The following RBM14 variants were observed in gnomAD, a reference collection of about 807,000 sequenced individuals.
RBM14 encodes the protein RNA binding motif protein 14, also known as RNA-binding protein 14.
Under a neutral mutation model 52.8 loss-of-function variants are expected in RBM14, and 5 were observed. The observed-to-expected ratio is 0.09, with a 90% CI of 0.05 to 0.20. RBM14 has a LOEUF of 0.20. RBM14 is among the 10% of genes least tolerant of loss of function. The pLI is 1.00. For missense variants in RBM14, 780 were observed against 926.6 expected, an observed-to-expected ratio of 0.84 and a Z score of 2.05; for synonymous variants, 411 against 401.8, an observed-to-expected ratio of 1.02 and a Z score of -0.28.
rs1461205314 is a variant in RBM14, at chr11:66,625,517, C to G, written c.1641C>G (p.Ala547=). Residue 547 remains alanine (A), a synonymous_variant, in exon 2 of 3, where the codon GCC becomes GCG. Coordinates refer to ENST00000310137, the MANE Select transcript of RBM14 (RefSeq NM_006328.4). This position sits in a 1 kb window ranked among gnomAD's most constrained non-coding sequence, Gnocchi z 4.2. ...CCTACCGCGGCCAGCCAGGCAATGC[C>G]TACGATGGGGCAGGTCAGCCGTCTG... The part of the protein sequence containing the change: ...AASYRGQPGN[A]YDGAGQPSAA... 1 of 1,612,962 alleles carries G rather than the reference C, an allele frequency of 6.2e-7. No individual in the cohort carries two copies. Among genetic ancestry groups the G allele is most frequent in the Non-Finnish European group, 8.5e-7 (1 of 1,179,594 alleles).
Position 66,625,735 on chromosome 11 carries a change from G to T in RBM14, c.1802+57G>T. On this transcript the variant is annotated intron_variant, in intron 2 of 2. Coordinates refer to ENST00000310137, the MANE Select transcript of RBM14 (RefSeq NM_006328.4). This position sits in a 1 kb window ranked among gnomAD's most constrained non-coding sequence, Gnocchi z 4.2. Reference sequence around the variant, plus strand: ...CTGGGGCTTAGGGCAAGGGGCTGAGGTTGGCATGGGAGGGAAACTGGAGGC... The same window carrying T: ...CTGGGGCTTAGGGCAAGGGGCTGAGTTTGGCATGGGAGGGAAACTGGAGGC... 7.3e-7 allele frequency: 1 copy of T among 1,377,544 alleles called. No individual in the cohort carries two copies. The highest frequency in any genetic ancestry group is 9.9e-7 in the Non-Finnish European group (1 of 1,014,304). The allele number at this position is 1,377,544 out of a possible 1,614,324, so 85.3% of individuals were successfully genotyped here.
rs779060476 is a variant in RBM14, at chr11:66,624,036, C to T, written c.338-178C>T. 3 of 1,060,382 alleles carry T rather than the reference C, an allele frequency of 2.8e-6. No individual in the cohort carries two copies. The highest frequency in any genetic ancestry group is 4.3e-6 in the Non-Finnish European group (3 of 700,144). 65.7% of individuals were successfully genotyped at this position (1,060,382 alleles called of 1,614,324 possible). Reference sequence around the variant, plus strand: ...TGTAGGCAAAGATGACTGCTTGGGACAGTCAGAAGCTTTGTTATATGGGAG... The same window carrying T: ...TGTAGGCAAAGATGACTGCTTGGGATAGTCAGAAGCTTTGTTATATGGGAG... On this transcript the variant is annotated intron_variant, in intron 1 of 2. Coordinates refer to ENST00000310137, the MANE Select transcript of RBM14 (RefSeq NM_006328.4). This position sits in a 1 kb window ranked among gnomAD's most constrained non-coding sequence, Gnocchi z 4.7.
Position 66,625,599 on chromosome 11 carries a change from C to T in RBM14, c.1723C>T (p.Pro575Ser). ...TGCCAACGCCAACAGCACCCCGCCGCCCTATGAGCGTACCCGCCTCTCCCC... is the reference window on the plus strand; with the variant it reads ...TGCCAACGCCAACAGCACCCCGCCGTCCTATGAGCGTACCCGCCTCTCCCC... ...AVANANSTPP[P>S]YERTRLSPPR... is the part of the protein sequence containing the mutation. The change falls in exon 2 of 3, where the codon CCC (proline) becomes TCC (serine). Residue 575 changes from proline (P) to serine (S), a missense_variant. Around this residue, in one of 4 missense-constraint regions of RBM14, gnomAD observed 675 missense variants for 697.3 expected, o/e 0.97. Coordinates refer to ENST00000310137, the MANE Select transcript of RBM14 (RefSeq NM_006328.4). The surrounding 1 kb of genome is among the most constrained non-coding windows in gnomAD (Gnocchi z 4.2). 6.2e-7 allele frequency: 1 copy of T among 1,610,354 alleles called. No individual in the cohort carries two copies. Among genetic ancestry groups the T allele is most frequent in the Non-Finnish European group, 8.5e-7 (1 of 1,179,700 alleles).
rs1284380603 is a variant in RBM14, at chr11:66,625,047, T to G, written c.1171T>G (p.Ser391Ala). Reference protein sequence around the residue: ...AASYGAQSAASSLAYGAQAAS... With the variant: ...AASYGAQSAAASLAYGAQAAS... ...CTCCTATGGGGCCCAGTCTGCAGCC[T>G]CCTCACTAGCTTATGGAGCCCAGGC... The change falls in exon 2 of 3, where the codon TCC becomes GCC. Residue 391 changes from serine to alanine, a missense_variant. Physicochemically the swap from Ser to Ala is moderately conservative, Grantham distance 99. Transcript: ENST00000310137. This position sits in a 1 kb window ranked among gnomAD's most constrained non-coding sequence, Gnocchi z 4.2. 11 of 1,611,762 alleles carry G rather than the reference T, an allele frequency of 6.8e-6. No individual in the cohort carries two copies. Among genetic ancestry groups the G allele is most frequent in the Admixed American group, 3.3e-5 (2 of 59,826 alleles).
Position 66,625,718 on chromosome 11 carries a change from T to C in RBM14, c.1802+40T>C. 1 of 1,478,094 alleles carries C rather than the reference T, an allele frequency of 6.8e-7. No individual in the cohort carries two copies. The highest frequency in any genetic ancestry group is 9.2e-7 in the Non-Finnish European group (1 of 1,086,200). The allele number at this position is 1,478,094 out of a possible 1,614,324, so 91.6% of individuals were successfully genotyped here. A position where few individuals can be genotyped will look rare whatever the true frequency, so the allele number is the denominator to read the frequency against. On this transcript the variant is annotated intron_variant, in intron 2 of 2. Coordinates refer to ENST00000310137, the MANE Select transcript of RBM14 (RefSeq NM_006328.4). This position sits in a 1 kb window ranked among gnomAD's most constrained non-coding sequence, Gnocchi z 4.2. ...CCCGCCTCTGCCCCCAGCTGGGGCT[T>C]AGGGCAAGGGGCTGAGGTTGGCATG...
Position 66,616,635 on chromosome 11 carries a change from TGAG to T in RBM14, c.-80_-78del. On this transcript the variant is annotated 5_prime_UTR_variant, in exon 1 of 3. Transcript: ENST00000310137. ...GGGGTTCTCGGTCGCCAGCCATTCC[TGAG>T]GAGGACTGCCGGTCGTTCGGACGTC... The T allele has an allele frequency of 2.0e-6, 3 of 1,467,120 alleles. No individual in the cohort carries two copies. The highest frequency in any genetic ancestry group is 2.5e-5 in the East Asian group (1 of 40,760). 90.9% of individuals were successfully genotyped at this position (1,467,120 alleles called of 1,614,324 possible).
intron 1 of RBM14, among the ~76,000 whole-genome samples, chr11:66,618,246 C>T (rs1428240744): frequency 6.6e-6 from 1 of 152,130 alleles, no homozygotes; most frequent in Admixed American, 6.5e-5. Flanking sequence ...CTGGGAGTAT[C>T]TGATGCCCTA....
Position 66,626,855 on chromosome 11 carries a change from G to C in RBM14, c.*187G>C. ...CGGCAGTAACCTACTTTGTTCCTTCGCCTCAGCAGCAAATCTTGCTACTGG... is the reference window on the plus strand; with the variant it reads ...CGGCAGTAACCTACTTTGTTCCTTCCCCTCAGCAGCAAATCTTGCTACTGG... On this transcript the variant is annotated 3_prime_UTR_variant, in exon 3 of 3. Coordinates refer to ENST00000310137, the MANE Select transcript of RBM14 (RefSeq NM_006328.4). The C allele has an allele frequency of 8.5e-6, 5 of 589,796 alleles. No homozygotes were observed. Among genetic ancestry groups the C allele is most frequent in the Non-Finnish European group, 1.4e-5 (5 of 346,432 alleles). 36.5% of individuals were successfully genotyped at this position (589,796 alleles called of 1,614,324 possible).
chr11:66,621,644 C>CT (rs1481929044), intron 1 of RBM14, among the ~76,000 whole-genome samples: 3 of 152,062 alleles, frequency 2.0e-5, no homozygotes, highest in Non-Finnish European at 4.4e-5. Flanking sequence ...CCCCAAAGTG[C>CT]TGGGATTATG....
Position 66,626,639 on chromosome 11 carries a change from A to T in RBM14, c.1981A>T (p.Met661Leu). Residue 661 changes from methionine to leucine, a missense_variant, in exon 3 of 3, where the codon ATG (methionine) becomes TTG (leucine). Around this residue, in one of 4 missense-constraint regions of RBM14, gnomAD observed 675 missense variants for 697.3 expected, o/e 0.97. Coordinates refer to ENST00000310137, the MANE Select transcript of RBM14 (RefSeq NM_006328.4). ...TAATGATTACCTGCGGGCGGCTCAG[A>T]TGCACTCTGGCTACCAGCGCCGCAT... is the stretch of plus-strand genomic sequence containing the variant. ...SYNDYLRAAQ[M>L]HSGYQRRM is the part of the protein sequence containing the mutation. 6.2e-7 allele frequency: 1 copy of T among 1,611,226 alleles called. No individual in the cohort carries two copies. Among genetic ancestry groups the T allele is most frequent in the Non-Finnish European group, 8.5e-7 (1 of 1,179,226 alleles).
Position 66,616,866 on chromosome 11 carries a change from T to G in RBM14, c.146T>G (p.Leu49Arg). The change falls in exon 1 of 3, where the codon CTG becomes CGG. Residue 49 changes from leucine (L) to arginine (R), a missense_variant. Leu to Arg is a moderately radical substitution (Grantham distance 102). Around this residue, in one of 4 missense-constraint regions of RBM14, gnomAD observed 71 missense variants for 119.2 expected, o/e 0.60. Coordinates refer to ENST00000310137, the MANE Select transcript of RBM14 (RefSeq NM_006328.4). Reference protein sequence around the residue: ...FVHMRENAGALRAIEALHGHE... With the variant: ...FVHMRENAGARRAIEALHGHE... ...CACATGCGCGAGAACGCGGGCGCGC[T>G]GCGCGCCATCGAAGCCCTGCACGGC... The G allele has an allele frequency of 6.2e-7, 1 of 1,612,286 alleles. No individual in the cohort carries two copies. Among genetic ancestry groups the G allele is most frequent in the Non-Finnish European group, 8.5e-7 (1 of 1,179,508 alleles).
Position 66,624,944 on chromosome 11 carries a change from T to C in RBM14, c.1068T>C (p.Tyr356=). 2.5e-6 allele frequency: 4 copies of C among 1,613,874 alleles called. No individual in the cohort carries two copies. The highest frequency in any genetic ancestry group is 3.4e-6 in the Non-Finnish European group (4 of 1,179,938). Residue 356 remains tyrosine (Y), a synonymous_variant, in exon 2 of 3, where the codon TAT becomes TAC. Transcript: ENST00000310137. This position sits in a 1 kb window ranked among gnomAD's most constrained non-coding sequence, Gnocchi z 4.7. ...SSYGAQAASS[Y]GVRAAASSYN... ...ACGGCGCCCAGGCTGCCTCTTCCTA[T>C]GGGGTTCGTGCAGCTGCTTCTTCCT...
At chr11:66,618,899 T>G (rs980567893) in intron 1 of RBM14, 5 of 263,184 alleles carry the variant, frequency 1.9e-5, no homozygotes, top group Non-Finnish European at 2.2e-5. Flanking sequence ...TTTTTAGAAC[T>G]CCTGGCTGAC....
rs1937852371 is a variant in RBM14, at chr11:66,627,053, A to G, written c.*385A>G. On this transcript the variant is annotated 3_prime_UTR_variant, in exon 3 of 3. Transcript: ENST00000310137. ...GTCGCCGGCGCCTTTTTCTTTTTAG[A>G]TGGGAAGGAGGCCAGGAAAGGGTCA... The G allele has an allele frequency of 5.6e-6, 1 of 179,428 alleles. No individual in the cohort carries two copies. Among genetic ancestry groups the G allele is most frequent in the Non-Finnish European group, 1.2e-5 (1 of 85,502 alleles). The allele number at this position is 179,428 out of a possible 1,614,324, so 11.1% of individuals were successfully genotyped here. A position where few individuals can be genotyped will look rare whatever the true frequency, so the allele number is the denominator to read the frequency against.
rs1937887947 is a variant in RBM14, at chr11:66,627,905, T to C, written c.*1237T>C. Among the ~76,000 whole-genome samples, 1 of 152,182 alleles carries C rather than the reference T, an allele frequency of 6.6e-6. No homozygotes were observed. The highest frequency in any genetic ancestry group is 1.5e-5 in the Non-Finnish European group (1 of 68,040). On this transcript the variant is annotated 3_prime_UTR_variant, in exon 3 of 3. Transcript: ENST00000310137. ...AACTTGAAGCAGGTATGGGGCATTC[T>C]GGCCATAGAGCTCGTATTTTGCCTG...
At position 66,625,256 on chromosome 11, in the gene RBM14, C is replaced by T. The variant is rs532518598; in HGVS notation, c.1380C>T (p.Ser460=). 1.2e-6 allele frequency: 2 copies of T among 1,612,808 alleles called. No homozygotes were observed. The highest frequency in any genetic ancestry group is 2.7e-5 in the African/African-American group (2 of 74,996). The part of the protein sequence containing the change: ...AAQATTPMAG[S]YGAQPVVQTQ... ...AAGCCACTACCCCAATGGCTGGCTCCTATGGGGCCCAGCCGGTTGTGCAGA... is the reference window on the plus strand; with the variant it reads ...AAGCCACTACCCCAATGGCTGGCTCTTATGGGGCCCAGCCGGTTGTGCAGA... The change falls in exon 2 of 3, where the codon TCC becomes TCT. Residue 460 remains serine, a synonymous_variant. Transcript: ENST00000310137. This position sits in a 1 kb window ranked among gnomAD's most constrained non-coding sequence, Gnocchi z 4.2.
chr11:66,618,069 C>G (rs1261412589), intron 1 of RBM14, among the ~76,000 whole-genome samples: 1 of 152,212 alleles, frequency 6.6e-6, no homozygotes, highest in South Asian at 2.1e-4. Flanking sequence ...TTAAGCCTGA[C>G]TAGGGACCCA....
At chr11:66,623,581 G>A (rs1463065529) in intron 1 of RBM14, among the ~76,000 whole-genome samples, 1 of 152,196 alleles carries the variant, frequency 6.6e-6, no homozygotes, top group African/African-American at 2.4e-5. Flanking sequence ...CTACCTCACA[G>A]GATTGTGAGG....
rs1937957491 is a variant in RBM14 at position 66,629,426 on chromosome 11, C to A, written c.*2758C>A. 6.6e-6 allele frequency among the ~76,000 whole-genome samples: 1 copy of A among 152,144 alleles called. No homozygotes were observed. Among genetic ancestry groups the A allele is most frequent in the Non-Finnish European group, 1.5e-5 (1 of 68,028 alleles). ...GTGTGCATGGTGGGCTTGAGACTCTCTTGTAATGGAGGTAATGGGACTATC... is the reference window on the plus strand; with the variant it reads ...GTGTGCATGGTGGGCTTGAGACTCTATTGTAATGGAGGTAATGGGACTATC... On this transcript the variant is annotated 3_prime_UTR_variant, in exon 3 of 3. Coordinates refer to ENST00000310137, the MANE Select transcript of RBM14 (RefSeq NM_006328.4).
Sources: allele counts gnomAD v4.1 joint callset (sites outside exome capture counted in the v4.1 genomes callset), GRCh38; gene constraint gnomAD v4.1.1; regional missense constraint gnomAD v4.1.1; non-coding constraint Gnocchi (gnomAD v3.1); transcripts MANE v1.5; gene names NCBI Gene and HGNC (gene_info 2026-07-23, HGNC 2026-07-21).